GDA: variants seen among roughly 807,000 people sequenced by gnomAD.
GDA encodes cytoplasmic PSD-95 interactor.
A neutral mutation model predicts 59.6 loss-of-function variants in GDA; 18 were observed. The observed-to-expected ratio is 0.30, with a 90% CI of 0.21 to 0.45. The LOEUF is 0.45. Among genes scored for constraint, GDA ranks in the 20% least tolerant of loss-of-function variants. The probability of loss-of-function intolerance (pLI) is 1.00; values close to 1 mark genes in which losing one functional copy is unlikely to be tolerated. For missense variants in GDA, 427 were observed against 552.3 expected, an observed-to-expected ratio of 0.77 and a Z score of 2.27; for synonymous variants, 201 against 201.1, an observed-to-expected ratio of 1.00 and a Z score of 0.00.
chr9:72,245,793 G>A (rs1186392000), intron 12 of GDA, among the ~76,000 whole-genome samples: 1 of 152,126 alleles, frequency 6.6e-6, no homozygotes, highest in South Asian at 2.1e-4. Context: ...ACTATGCTAT[G>A]TCAATGTTTT....
At chr9:72,194,851 G>A (rs1414640651) in intron 1 of GDA, among the ~76,000 whole-genome samples, 1 of 152,162 alleles carries the variant, frequency 6.6e-6, no homozygotes, top group Admixed American at 6.5e-5. Flanking sequence ...TGGTTTGAAT[G>A]TTCCCTCTGT....
chr9:72,223,099 A>T (rs1210751581), intron 6 of GDA, 21 bp from the exon 7 acceptor site: 1 of 1,178,836 alleles, frequency 8.5e-7, no homozygotes. Flanking sequence ...AGAGGTATCA[A>T]TTGTTTTTAA....
At chr9:72,158,649 A>G (rs1828234583) in intron 1 of GDA, among the ~76,000 whole-genome samples, 1 of 151,764 alleles carries the variant, frequency 6.6e-6, no homozygotes, top group Non-Finnish European at 1.5e-5. Flanking sequence ...GAGGCAAGTG[A>G]GATAGTGTGT....
intron 11 of GDA, among the ~76,000 whole-genome samples, chr9:72,242,431 A>G (rs1209004758): frequency 6.6e-6 from 1 of 152,206 alleles, no homozygotes; most frequent in Non-Finnish European, 1.5e-5. Context: ...TGTAATCAGA[A>G]TGGATGATAG....
intron 2 of GDA, among the ~76,000 whole-genome samples, chr9:72,197,196 G>A (rs1445257560): frequency 6.6e-6 from 1 of 152,136 alleles, no homozygotes; most frequent in East Asian, 1.9e-4. Flanking sequence ...AGACTATGAA[G>A]CTCATCCCTG....
chr9:72,177,954 C>T (rs930495087), intron 1 of GDA, among the ~76,000 whole-genome samples: 13 of 152,328 alleles, frequency 8.5e-5, no homozygotes, highest in Middle Eastern at 3.4e-3. Context: ...ATTCCCACCT[C>T]GCTACTCTGT....
intron 1 of GDA, among the ~76,000 whole-genome samples, chr9:72,155,157 C>T (rs1827741988): frequency 6.6e-6 from 1 of 152,142 alleles, no homozygotes; most frequent in African/African-American, 2.4e-5. Flanking sequence ...TTTAATTGGA[C>T]TTACAGTTCC....
rs535253356 is a variant in GDA at position 72,250,306 on chromosome 9, G to T, written c.*1964G>T. The T allele has an allele frequency of 2.9e-6, 3 of 1,028,160 alleles. No homozygotes were observed. The highest frequency in any genetic ancestry group is 2.3e-6 in the Non-Finnish European group (2 of 857,440). 63.7% of individuals were successfully genotyped at this position (1,028,160 alleles called of 1,614,324 possible). A position where few individuals can be genotyped will look rare whatever the true frequency, so the allele number is the denominator to read the frequency against. On this transcript the variant is annotated 3_prime_UTR_variant, in exon 14 of 14. Transcript: ENST00000358399. ...ATCCTACACTTTTACCTTCTTTAAG[G>T]GTGTACATTTTGATGTTGAACATCA...
At chr9:72,167,006 C>T (rs1829397547) in intron 1 of GDA, among the ~76,000 whole-genome samples, 1 of 152,076 alleles carries the variant, frequency 6.6e-6, no homozygotes, top group African/African-American at 2.4e-5. Context: ...TGAAACTGAC[C>T]CAATAGTTCC....
At chr9:72,175,330 C>T (rs1316822126) in intron 1 of GDA, among the ~76,000 whole-genome samples, 1 of 152,082 alleles carries the variant, frequency 6.6e-6, no homozygotes, top group Non-Finnish European at 1.5e-5. Flanking sequence ...CCACACCCAG[C>T]CCCATTGAGG....
chr9:72,248,386 C>G lies in GDA; in HGVS notation c.*44C>G, dbSNP rs1371076276. On this transcript the variant is annotated 3_prime_UTR_variant, in exon 14 of 14. Transcript: ENST00000358399. Reference sequence around the variant, plus strand: ...AAGTTCTCCTGGGATTAGCGTGGTTCTGCATCTCCCTTGTGCCCAGGTGGA... The same window carrying G: ...AAGTTCTCCTGGGATTAGCGTGGTTGTGCATCTCCCTTGTGCCCAGGTGGA... 6.2e-7 allele frequency: 1 copy of G among 1,612,104 alleles called. No individual in the cohort carries two copies. Among genetic ancestry groups the G allele is most frequent in the East Asian group, 2.2e-5 (1 of 44,852 alleles).
chr9:72,185,662 CT>C lies in GDA; in HGVS notation c.124-9834del, dbSNP rs570732512. On this transcript the variant is annotated intron_variant, in intron 1 of 13. Coordinates refer to ENST00000358399, the MANE Select transcript of GDA (RefSeq NM_004293.5). The stretch of plus-strand genomic sequence containing the variant: ...TTTGTATAATAGATTGAAATATGTT[CT>C]TTTATTTTGTTGGATGGCTGAGCTA... Among the ~76,000 whole-genome samples, 148 of 152,194 alleles carry C rather than the reference CT, an allele frequency of 9.7e-4. 1 individual carries two copies. The highest frequency in any genetic ancestry group is 3.4e-3 in the Middle Eastern group (1 of 292).
At chr9:72,163,003 G>A (rs1343847446) in intron 1 of GDA, among the ~76,000 whole-genome samples, 1 of 152,206 alleles carries the variant, frequency 6.6e-6, no homozygotes, top group Admixed American at 6.5e-5. Context: ...TAATTTCAGA[G>A]TAAGGAGCAG....
At chr9:72,241,968 A>G (rs1300282284) in intron 11 of GDA, among the ~76,000 whole-genome samples, 1 of 152,224 alleles carries the variant, frequency 6.6e-6, no homozygotes. Context: ...AGTGATGATC[A>G]TAATAGTAAA....
At chr9:72,146,731 A>G (rs1271412005), upstream of GDA, among the ~76,000 whole-genome samples, 1 of 152,148 alleles carries the variant, frequency 6.6e-6, no homozygotes, top group Admixed American at 6.6e-5. Flanking sequence ...ACCTCAAGTG[A>G]TCCGCCCTCC....
chr9:72,157,918 A>G (rs1345081122), intron 1 of GDA, among the ~76,000 whole-genome samples: 1 of 152,192 alleles, frequency 6.6e-6, no homozygotes, highest in Non-Finnish European at 1.5e-5. Flanking sequence ...TATCCATGCA[A>G]ATTTCTCCCT....
intron 5 of GDA, among the ~76,000 whole-genome samples, chr9:72,215,429 C>T (rs1415982917): frequency 6.6e-6 from 1 of 152,118 alleles, no homozygotes; most frequent in Non-Finnish European, 1.5e-5. Context: ...ACTACTATTT[C>T]GTCCTACCTT....
intron 4 of GDA, among the ~76,000 whole-genome samples, chr9:72,211,479 C>A (rs563990072): frequency 6.6e-6 from 1 of 152,276 alleles, no homozygotes; most frequent in South Asian, 2.1e-4. Flanking sequence ...AAACTTGTAC[C>A]CAGCACAGTA....
chr9:72,165,963 C>T (rs530005176), intron 1 of GDA, among the ~76,000 whole-genome samples: 6 of 151,856 alleles, frequency 4.0e-5, no homozygotes, highest in South Asian at 2.1e-4. Flanking sequence ...TTTCCCCCTT[C>T]CCCAAGGGAA....
Sources: gnomAD v4.1 joint callset for allele counts (sites outside exome capture counted in the v4.1 genomes callset) on GRCh38, gnomAD v4.1.1 for gene constraint, MANE v1.5 for transcripts, NCBI Gene and HGNC (gene_info 2026-07-23, HGNC 2026-07-21) for gene names.